Variants in PIGZ observed in about 807,000 individuals in gnomAD.
PIGZ encodes GPI alpha-1,2-mannosyltransferase 4.
In PIGZ, 16 loss-of-function variants were observed where a neutral mutation model predicts 16.4. That is an observed-to-expected ratio of 0.97 (90% CI 0.66 to 1.48). The LOEUF is 1.48. Among genes scored for constraint, PIGZ ranks in the 40% most tolerant of loss-of-function variants. PIGZ has a pLI of 0.00. For missense variants in PIGZ, 770 were observed against 739.2 expected (o/e 1.04, Z -0.48); for synonymous variants, 409 against 338.4 (o/e 1.21, Z -2.29).
At chr3:196,967,179 T>C (rs1423335160) in intron 1 of PIGZ, among the ~76,000 whole-genome samples, 1 of 151,896 alleles carries the variant, frequency 6.6e-6, no homozygotes, top group Non-Finnish European at 1.5e-5. Context: ...GTAGAAACAC[T>C]GCTCCCGCCA....
chr3:196,949,513 T>C (rs1217953454), intron 2 of PIGZ, among the ~76,000 whole-genome samples: 1 of 152,192 alleles, frequency 6.6e-6, no homozygotes, highest in Non-Finnish European at 1.5e-5. Context: ...ATGAACTAGA[T>C]TCTGCTAGAA....
At chr3:196,968,372 C>T (rs1477706287) in intron 1 of PIGZ, among the ~76,000 whole-genome samples, 1 of 152,248 alleles carries the variant, frequency 6.6e-6, no homozygotes, top group Non-Finnish European at 1.5e-5. Context: ...AGATTCAACC[C>T]CAGGCCTCAA....
At chr3:196,955,608 G>A (rs1396848951) in intron 1 of PIGZ, among the ~76,000 whole-genome samples, 4 of 120,612 alleles carry the variant, frequency 3.3e-5, no homozygotes, top group Non-Finnish European at 6.4e-5. Flanking sequence ...AGATAGTCTC[G>A]CTCTGCTGCC....
At chr3:196,957,945 G>A (rs1048013669) in intron 1 of PIGZ, among the ~76,000 whole-genome samples, 1 of 152,196 alleles carries the variant, frequency 6.6e-6, no homozygotes, top group Admixed American at 6.5e-5. Flanking sequence ...AGGGGTCCCT[G>A]CTGTCAAATG....
Position 196,947,134 on chromosome 3 carries a change from G to A in PIGZ, c.*23C>T. On this transcript the variant is annotated 3_prime_UTR_variant, in exon 3 of 3. Coordinates refer to ENST00000412723, the MANE Select transcript of PIGZ (RefSeq NM_025163.4). ...GGCATCTTCTATGGCTGAGTCTTGG[G>A]CAGTGGGTGCTCTGTCATATTGTCA... The A allele has an allele frequency of 6.5e-7, 1 of 1,526,836 alleles. No homozygotes were observed. 94.6% of individuals were successfully genotyped at this position (1,526,836 alleles called of 1,614,324 possible).
At position 196,948,210 on chromosome 3, in the gene PIGZ, G is replaced by C; in HGVS notation, c.687C>G (p.Thr229=). The change falls in exon 3 of 3, where the codon ACC becomes ACG. Residue 229 remains threonine (T), a synonymous_variant. Transcript: ENST00000412723. The part of the protein sequence containing the change: ...IVAAGFFNRP[T]FLAFAVVPLY... ...GGGGGACCACAGCAAAGGCCAGAAAGGTGGGCCGGTTGAAGAAGCCAGCAG... is the reference window on the plus strand; with the variant it reads ...GGGGGACCACAGCAAAGGCCAGAAACGTGGGCCGGTTGAAGAAGCCAGCAG... The C allele has an allele frequency of 1.9e-6, 3 of 1,614,144 alleles. No homozygotes were observed. The East Asian group carries it at 6.7e-5, about 36-fold the overall frequency.
chr3:196,947,113 T>C lies in PIGZ; in HGVS notation c.*44A>G, dbSNP rs1577874910. ...TACCCAAGTAGAAGGTGGGGCGGCA[T>C]CTTCTATGGCTGAGTCTTGGGCAGT... On this transcript the variant is annotated 3_prime_UTR_variant, in exon 3 of 3. Coordinates refer to ENST00000412723, the MANE Select transcript of PIGZ (RefSeq NM_025163.4). 1 of 1,491,942 alleles carries C rather than the reference T, an allele frequency of 6.7e-7. No homozygotes were observed. 92.4% of individuals were successfully genotyped at this position (1,491,942 alleles called of 1,614,324 possible).
intron 1 of PIGZ, among the ~76,000 whole-genome samples, chr3:196,953,347 A>G (rs962065992): frequency 1.3e-5 from 2 of 152,198 alleles, no homozygotes; most frequent in Non-Finnish European, 2.9e-5. Context: ...AACTTGGGAA[A>G]GTCAACGGAT....
At chr3:196,956,626 T>C (rs1717499851) in intron 1 of PIGZ, among the ~76,000 whole-genome samples, 1 of 152,236 alleles carries the variant, frequency 6.6e-6, no homozygotes, top group Non-Finnish European at 1.5e-5. Flanking sequence ...CTTCCATGTC[T>C]CTTTAAGTTC....
intron 1 of PIGZ, among the ~76,000 whole-genome samples, chr3:196,967,318 G>T (rs552684861): frequency 6.6e-6 from 1 of 152,286 alleles, no homozygotes; most frequent in South Asian, 2.1e-4. Flanking sequence ...AGCCGTGAAC[G>T]AGCGCCGTCC....
At chr3:196,950,652 C>T (rs1231858698) in intron 2 of PIGZ, among the ~76,000 whole-genome samples, 4 of 152,170 alleles carry the variant, frequency 2.6e-5, no homozygotes, top group Admixed American at 2.6e-4. Flanking sequence ...AGAAGATGAG[C>T]CTTTTAACTT....
rs753710603 is a variant in PIGZ, at chr3:196,951,871, G to C, written c.161C>G (p.Thr54Arg). The change falls in exon 2 of 3, where the codon ACG (threonine) becomes AGG (arginine). Residue 54 changes from threonine to arginine, a missense_variant. By Grantham distance (71) the Thr-to-Arg change is moderately conservative (BLOSUM62 -1). Coordinates refer to ENST00000412723, the MANE Select transcript of PIGZ (RefSeq NM_025163.4). The stretch of plus-strand genomic sequence containing the variant: ...GAACTCATCTGGGTGCACATAGCCC[G>C]TCTGCGGAAGGAGACACCACAGCAC... ...LRVLWCLLPQ[T>R]GYVHPDEFFQ... 9 of 1,614,072 alleles carry C rather than the reference G, an allele frequency of 5.6e-6. No homozygotes were observed. In the African/African-American group the frequency reaches 8.0e-5, roughly 14 times the overall value.
chr3:196,950,934 T>C (rs1717255724), intron 2 of PIGZ, among the ~76,000 whole-genome samples: 1 of 152,068 alleles, frequency 6.6e-6, no homozygotes, highest in Admixed American at 6.6e-5. Context: ...TTAATAGAGA[T>C]GGGGTTTCAT....
At chr3:196,960,810 A>T (rs1161964681) in intron 1 of PIGZ, among the ~76,000 whole-genome samples, 1 of 151,420 alleles carries the variant, frequency 6.6e-6, no homozygotes, top group African/African-American at 2.4e-5. Flanking sequence ...GAAAGAAAAA[A>T]ATCTTTCAAG....
At position 196,948,889 on chromosome 3, in the gene PIGZ, C is replaced by CCTTCCTTCCCTTCCCCTCCCCT. The variant is rs578085219; in HGVS notation, c.212-205_212-204insAGGGGAGGGGAAGGGAAGGAAG. Reference sequence around the variant, plus strand: ...TTCCCTTCCTTCCTTCCCTTCCTTCCCCTTCCTTCCCTTCCCCTCCCCTCC... The same window carrying CCTTCCTTCCCTTCCCCTCCCCT: ...TTCCCTTCCTTCCTTCCCTTCCTTCCCTTCCTTCCCTTCCCCTCCCCTCCTTCCTTCCCTTCCCCTCCCCTCC... On this transcript the variant is annotated intron_variant, in intron 2 of 2. Transcript: ENST00000412723. 4.0e-4 allele frequency among the ~76,000 whole-genome samples: 5 copies of CCTTCCTTCCCTTCCCCTCCCCT among 12,402 alleles called. 1 individual carries two copies. In the African/African-American group the frequency reaches 4.4e-3, roughly 11 times the overall value. 8.1% of individuals were successfully genotyped at this position (12,402 alleles called of 152,430 possible). A position where few individuals can be genotyped will look rare whatever the true frequency, so the allele number is the denominator to read the frequency against.
At chr3:196,948,848 TCCTTCTTTC>T (rs1475455426) in intron 2 of PIGZ, among the ~76,000 whole-genome samples, 163 bp from the exon 3 acceptor site, 1 of 123,674 alleles carries the variant, frequency 8.1e-6, no homozygotes, top group African/African-American at 3.3e-5. Context: ...CCTCTCTCCC[TCCTTCTTTC>T]CCTTCCTTCC....
At chr3:196,957,526 G>C (rs764245175) in intron 1 of PIGZ, among the ~76,000 whole-genome samples, 9 of 152,062 alleles carry the variant, frequency 5.9e-5, no homozygotes, top group Non-Finnish European at 1.2e-4. Context: ...GGGATTACAG[G>C]CGCATGCCAC....
At chr3:196,954,555 C>A (rs1469930268) in intron 1 of PIGZ, among the ~76,000 whole-genome samples, 1 of 151,812 alleles carries the variant, frequency 6.6e-6, no homozygotes, top group African/African-American at 2.4e-5. Context: ...TTTATTTTTT[C>A]TTTCCTTTTA....
chr3:196,956,365 GCGAATGAGAAGCAAA>G (rs1401184168), intron 1 of PIGZ, among the ~76,000 whole-genome samples: 13 of 152,302 alleles, frequency 8.5e-5, no homozygotes, highest in South Asian at 2.1e-4. Context: ...CAGGCAAAAA[GCGAATGAGAAGCAAA>G]CGAATGAGAA....
Sources: gnomAD v4.1 joint callset for allele counts (sites outside exome capture counted in the v4.1 genomes callset) on GRCh38, gnomAD v4.1.1 for gene constraint, MANE v1.5 for transcripts, NCBI Gene and HGNC (gene_info 2026-07-23, HGNC 2026-07-21) for gene names.